Variants in B3GNT6 observed in about 807,000 individuals in gnomAD.
B3GNT6 encodes acetylgalactosaminyl-O-glycosyl-glycoprotein beta-1,3-N-acetylglucosaminyltransferase.
For missense variants in B3GNT6, 624 were observed against 568.6 expected, an observed-to-expected ratio of 1.10 and a Z score of -0.99; for synonymous variants, 300 against 270.0, an observed-to-expected ratio of 1.11 and a Z score of -1.09.
intron 1 of B3GNT6, among the ~76,000 whole-genome samples, chr11:77,038,394 T>C (rs1334340740): frequency 1.7e-5 from 1 of 60,594 alleles, no homozygotes; most frequent in Non-Finnish European, 3.0e-5. Context: ...AACCCGTCTC[T>C]ACAGAAAAAA....
In B3GNT6 at chr11:77,040,923, T is replaced by G. The variant is rs1264802028; in HGVS notation, c.*217T>G. 4.3e-6 allele frequency: 3 copies of G among 698,904 alleles called. No homozygotes were observed. Among genetic ancestry groups the G allele is most frequent in the Non-Finnish European group, 6.3e-6 (3 of 474,016 alleles). 43.3% of individuals were successfully genotyped at this position (698,904 alleles called of 1,614,324 possible). On this transcript the variant is annotated 3_prime_UTR_variant, in exon 2 of 2. Coordinates refer to ENST00000622824, the MANE Select transcript of B3GNT6 (RefSeq NM_138706.5). Reference sequence around the variant, plus strand: ...TTAGTCTGGGGTGGACCCAGACATGTTAAGTATTTTTTAAGTTCCTCCAGT... The same window carrying G: ...TTAGTCTGGGGTGGACCCAGACATGGTAAGTATTTTTTAAGTTCCTCCAGT...
intron 1 of B3GNT6, among the ~76,000 whole-genome samples, chr11:77,035,078 G>A (rs1414120218): frequency 6.6e-6 from 1 of 152,198 alleles, no homozygotes; most frequent in Non-Finnish European, 1.5e-5. Context: ...AGAATCACTT[G>A]AACCCGGGAG....
In B3GNT6 at chr11:77,039,900, G is replaced by C. The variant is rs782549400; in HGVS notation, c.349G>C (p.Val117Leu). Residue 117 changes from valine to leucine, a missense_variant, in exon 2 of 2, where the codon GTG becomes CTG. Transcript: ENST00000622824. ...GGCCAAGTGCGCCGGCGGCCGAGGC[G>C]TGTTCCTGCTCCTGGCGGTGAAGTC... is the stretch of plus-strand genomic sequence containing the variant. ...APAKCAGGRG[V>L]FLLLAVKSAP... The C allele has an allele frequency of 4.3e-5, 68 of 1,591,922 alleles. No homozygotes were observed. The highest frequency in any genetic ancestry group is 5.7e-5 in the Non-Finnish European group (67 of 1,176,670).
At position 77,039,671 on chromosome 11, in the gene B3GNT6, G is replaced by A; in HGVS notation, c.120G>A (p.Glu40=). The change falls in exon 2 of 2, where the codon GAG becomes GAA. Residue 40 remains glutamate (E), a synonymous_variant. Transcript: ENST00000622824. ...AGGCGCCAAGGTCCCCGCGGGAGGA[G>A]AGGTCCCCGCAGGAGGAGACGCCAG... ...FLQAPRSPRE[E]RSPQEETPEG... The A allele has an allele frequency of 1.2e-6, 2 of 1,612,842 alleles. No homozygotes were observed. The highest frequency in any genetic ancestry group is 1.1e-5 in the South Asian group (1 of 91,012).
At position 77,040,671 on chromosome 11, in the gene B3GNT6, G is replaced by A. The variant is rs532243431; in HGVS notation, c.1120G>A (p.Ala374Thr). ...CATGTGGAAGGCGCTGCACAGCCCC[G>A]CGCTCAGCTGTGACCGGGGACACCG... is the stretch of plus-strand genomic sequence containing the variant. ...LLMWKALHSP[A>T]LSCDRGHRVS Residue 374 changes from alanine (A) to threonine (T), a missense_variant, in exon 2 of 2, where the codon GCG becomes ACG. Ala to Thr is a moderately conservative substitution (Grantham distance 58). Transcript: ENST00000622824. 21 of 1,595,158 alleles carry A rather than the reference G, an allele frequency of 1.3e-5. 1 individual carries two copies. In the South Asian group the frequency reaches 1.9e-4, roughly 14 times the overall value.
rs782714525 is a variant in B3GNT6, at chr11:77,040,194, G to C, written c.643G>C (p.Ala215Pro). 7.5e-6 allele frequency: 12 copies of C among 1,599,144 alleles called. No homozygotes were observed. The Admixed American group carries it at 2.0e-4, about 27-fold the overall frequency. Residue 215 changes from alanine to proline, a missense_variant, in exon 2 of 2, where the codon GCG becomes CCG. Transcript: ENST00000622824. ...CTGGCTGGCTGCACGCTGCCCGCACGCGCGCTTTCTGCTCAGCGGCGACGA... is the reference window on the plus strand; with the variant it reads ...CTGGCTGGCTGCACGCTGCCCGCACCCGCGCTTTCTGCTCAGCGGCGACGA... ...LDWLAARCPH[A>P]RFLLSGDDDV...
rs782422372 is a variant in B3GNT6, at chr11:77,040,265, G to T, written c.714G>T (p.Ala238=). ...CCAACGTAGTCCGCTTCCTGCAGGC[G>T]CAGCCACCCGGCCGCCACCTGTTCT... The part of the protein sequence containing the change: ...HTANVVRFLQ[A]QPPGRHLFSG... Residue 238 remains alanine (A), a synonymous_variant, in exon 2 of 2, where the codon GCG becomes GCT. Transcript: ENST00000622824. 3.6e-5 allele frequency: 58 copies of T among 1,596,344 alleles called. No individual in the cohort carries two copies. In the Admixed American group the frequency reaches 8.7e-4, roughly 24 times the overall value.
chr11:77,040,460 G>T lies in B3GNT6; in HGVS notation c.909G>T (p.Pro303=). 1 of 1,536,080 alleles carries T rather than the reference G, an allele frequency of 6.5e-7. No homozygotes were observed. Among genetic ancestry groups the T allele is most frequent in the East Asian group, 2.4e-5 (1 of 40,856 alleles). The change falls in exon 2 of 2, where the codon CCG becomes CCT. Residue 303 remains proline, a synonymous_variant. Transcript: ENST00000622824. ...RALRAAARHT[P]LFPIDDAYMG... ...TGCGCGCGGCCGCCCGCCACACCCC[G>T]CTCTTCCCCATCGACGACGCCTACA...
At chr11:77,037,287 G>C (rs1331368386) in intron 1 of B3GNT6, 1 of 152,198 alleles carries the variant, frequency 6.6e-6, no homozygotes, top group Non-Finnish European at 1.5e-5. Flanking sequence ...TTGATAGAGG[G>C]AATGAAAGCA....
chr11:77,039,888 G>A lies in B3GNT6; in HGVS notation c.337G>A (p.Gly113Ser), dbSNP rs1289003893. ...LLWDAPAKCA[G>S]GRGVFLLLAV... The stretch of plus-strand genomic sequence containing the variant: ...TTGGGACGCACCGGCCAAGTGCGCC[G>A]GCGGCCGAGGCGTGTTCCTGCTCCT... Residue 113 changes from glycine to serine, a missense_variant, in exon 2 of 2, where the codon GGC becomes AGC. Transcript: ENST00000622824. The A allele has an allele frequency of 1.3e-6, 2 of 1,590,470 alleles. No individual in the cohort carries two copies.
chr11:77,040,401 G>C lies in B3GNT6; in HGVS notation c.850G>C (p.Gly284Arg). Residue 284 changes from glycine (G) to arginine (R), a missense_variant, in exon 2 of 2, where the codon GGC becomes CGC. Coordinates refer to ENST00000622824, the MANE Select transcript of B3GNT6 (RefSeq NM_138706.5). ...TTACCCGGTGTACTGCAGCGGCGGC[G>C]GCTTCCTCCTGTCCGGCCCCACGGC... ...SAYPVYCSGGGFLLSGPTARA... is the reference protein window; with the variant it reads ...SAYPVYCSGGRFLLSGPTARA... 6.5e-7 allele frequency: 1 copy of C among 1,531,588 alleles called. No homozygotes were observed. The allele number at this position is 1,531,588 out of a possible 1,614,324, so 94.9% of individuals were successfully genotyped here. A position where few individuals can be genotyped will look rare whatever the true frequency, so the allele number is the denominator to read the frequency against.
chr11:77,038,891 C>T (rs1253653406), intron 1 of B3GNT6, among the ~76,000 whole-genome samples: 11 of 152,150 alleles, frequency 7.2e-5, no homozygotes, highest in African/African-American at 2.4e-4. Context: ...ATTTCATGCT[C>T]ACAACAGCCC....
chr11:77,037,181 G>A (rs1041462845), intron 1 of B3GNT6: 7 of 152,272 alleles, frequency 4.6e-5, no homozygotes, highest in African/African-American at 1.7e-4. Context: ...TCCAGCTGCG[G>A]GAGGGGAGAG....
rs1370158722 is a variant in B3GNT6, at chr11:77,040,523, C to G, written c.972C>G (p.Ser324Arg). Residue 324 changes from serine to arginine, a missense_variant, in exon 2 of 2, where the codon AGC (serine) becomes AGG (arginine). Physicochemically the swap from Ser to Arg is moderately radical, Grantham distance 110. Coordinates refer to ENST00000622824, the MANE Select transcript of B3GNT6 (RefSeq NM_138706.5). Reference sequence around the variant, plus strand: ...TGGAGCGCGCCGGCCTGGCGCCCAGCGGCCACGAGGGCATCCGACCCTTCG... The same window carrying G: ...TGGAGCGCGCCGGCCTGGCGCCCAGGGGCCACGAGGGCATCCGACCCTTCG... ...MCLERAGLAP[S>R]GHEGIRPFGV... 5 of 1,558,368 alleles carry G rather than the reference C, an allele frequency of 3.2e-6. No individual in the cohort carries two copies. The highest frequency in any genetic ancestry group is 3.5e-6 in the Non-Finnish European group (4 of 1,159,170).
At position 77,040,311 on chromosome 11, in the gene B3GNT6, T is replaced by C. The variant is rs1555027693; in HGVS notation, c.760T>C (p.Ser254Pro). 6.3e-7 allele frequency: 1 copy of C among 1,576,294 alleles called. No individual in the cohort carries two copies. Residue 254 changes from serine to proline, a missense_variant, in exon 2 of 2, where the codon TCC becomes CCC. By Grantham distance (74) the Ser-to-Pro change is moderately conservative (BLOSUM62 -1). Transcript: ENST00000622824. ...HLFSGQLMEG[S>P]VPIRDSWSKY... ...GTTCTCCGGCCAGCTCATGGAGGGC[T>C]CCGTGCCCATCCGCGACAGCTGGAG...
intron 1 of B3GNT6, among the ~76,000 whole-genome samples, chr11:77,036,587 T>C (rs1047887222): frequency 6.6e-6 from 1 of 152,256 alleles, no homozygotes; most frequent in Non-Finnish European, 1.5e-5. Context: ...AGCTAATATT[T>C]ACTGAATACT....
In B3GNT6 at chr11:77,040,875, C is replaced by T. The variant is rs1949682382; in HGVS notation, c.*169C>T. The T allele has an allele frequency of 1.7e-6, 2 of 1,156,792 alleles. No homozygotes were observed. Among genetic ancestry groups the T allele is most frequent in the Non-Finnish European group, 2.3e-6 (2 of 868,378 alleles). 71.7% of individuals were successfully genotyped at this position (1,156,792 alleles called of 1,614,324 possible). On this transcript the variant is annotated 3_prime_UTR_variant, in exon 2 of 2. Coordinates refer to ENST00000622824, the MANE Select transcript of B3GNT6 (RefSeq NM_138706.5). ...GTGGAAAATGCCTACATCCTGGCTC[C>T]ATCTCCCGAAGTTTCGATTTGATTA...
chr11:77,040,437 C>A lies in B3GNT6; in HGVS notation c.886C>A (p.Arg296Ser), dbSNP rs933153099. The part of the protein sequence containing the change: ...LLSGPTARAL[R>S]AAARHTPLFP... ...GTCCGGCCCCACGGCCCGGGCCCTGCGCGCGGCCGCCCGCCACACCCCGCT... is the reference window on the plus strand; with the variant it reads ...GTCCGGCCCCACGGCCCGGGCCCTGAGCGCGGCCGCCCGCCACACCCCGCT... The change falls in exon 2 of 2, where the codon CGC becomes AGC. Residue 296 changes from arginine to serine, a missense_variant. Physicochemically the swap from Arg to Ser is moderately radical, Grantham distance 110. Transcript: ENST00000622824. 45 of 1,530,910 alleles carry A rather than the reference C, an allele frequency of 2.9e-5. No homozygotes were observed. Among genetic ancestry groups the A allele is most frequent in the Admixed American group, 2.2e-4 (11 of 50,546 alleles). The allele number at this position is 1,530,910 out of a possible 1,614,324, so 94.8% of individuals were successfully genotyped here.
intron 1 of B3GNT6, among the ~76,000 whole-genome samples, chr11:77,035,025 G>C (rs933541196): frequency 6.6e-6 from 1 of 152,180 alleles, no homozygotes; most frequent in Non-Finnish European, 1.5e-5. Flanking sequence ...TGGGCATGGG[G>C]GTGGACGCCT....
Sources: allele counts gnomAD v4.1 joint callset (sites outside exome capture counted in the v4.1 genomes callset), GRCh38; gene constraint gnomAD v4.1.1; transcripts MANE v1.5; gene names NCBI Gene and HGNC (gene_info 2026-07-23, HGNC 2026-07-21).